PCDH15: variants seen among roughly 807,000 people sequenced by gnomAD.
PCDH15 encodes protocadherin-15.
PCDH15 carries 129 observed loss-of-function variants against 178.5 expected under a neutral mutation model. The observed-to-expected ratio is 0.72, with a 90% confidence interval of 0.63 to 0.84. PCDH15 has a LOEUF of 0.84. Ranked by LOEUF, PCDH15 falls within the 40% of genes least tolerant of loss-of-function variation. The pLI is 0.00. For missense variants in PCDH15, 2,230 were observed against 2,099.9 expected (o/e 1.06, Z -1.21); for synonymous variants, 800 against 732.0 (o/e 1.09, Z -1.50).
intron 2 of PCDH15, among the ~76,000 whole-genome samples, chr10:55,020,452 T>C (rs539545461): frequency 6.6e-6 from 1 of 150,990 alleles, no homozygotes; most frequent in South Asian, 2.1e-4. Context: ...TTTGAAAGCA[T>C]TGGTTAGATT....
chr10:54,476,862 C>T (rs1431172357), intron 3 of PCDH15, among the ~76,000 whole-genome samples: 6 of 152,124 alleles, frequency 3.9e-5, no homozygotes, highest in Non-Finnish European at 8.8e-5. Flanking sequence ...CTCTTCTCTC[C>T]TATCTTCAAT....
chr10:55,048,857 T>C (rs185776014), intron 2 of PCDH15, among the ~76,000 whole-genome samples: 24 of 152,112 alleles, frequency 1.6e-4, no homozygotes, highest in Admixed American at 4.6e-4. Context: ...ATGTGTAAGG[T>C]AAAAAGCAAG....
Position 54,413,172 on chromosome 10 carries a change from A to ATCTC in PCDH15, c.158-34234_158-34231dup, listed in dbSNP as rs36062781. On this transcript the variant is annotated intron_variant, in intron 3 of 37. Transcript: ENST00000644397. ...ATGAATGGTCTGTATACAATATAGC[A>ATCTC]TCTCTCTCTCTCTCAACGAATAGCA... 4.6e-5 allele frequency among the ~76,000 whole-genome samples: 7 copies of ATCTC among 151,222 alleles called. No homozygotes were observed. In the South Asian group the frequency reaches 1.0e-3, roughly 23 times the overall value.
intron 9 of PCDH15, among the ~76,000 whole-genome samples, chr10:54,227,777 T>C (rs2053614743): frequency 6.6e-6 from 1 of 152,200 alleles, no homozygotes; most frequent in African/African-American, 2.4e-5. Context: ...TACTTAGAAA[T>C]TTCTTCCACC....
At chr10:54,512,505 T>A (rs1174095759) in intron 3 of PCDH15, among the ~76,000 whole-genome samples, 1 of 152,024 alleles carries the variant, frequency 6.6e-6, no homozygotes, top group Non-Finnish European at 1.5e-5. Flanking sequence ...AATTTTTTAA[T>A]GAAGAAAGGG....
intron 1 of PCDH15, among the ~76,000 whole-genome samples, chr10:55,283,634 C>A (rs959273364): frequency 3.3e-5 from 5 of 150,974 alleles, no homozygotes; most frequent in African/African-American, 1.2e-4. Context: ...TCTATCCAGT[C>A]ACTATTAAGT....
intron 2 of PCDH15, among the ~76,000 whole-genome samples, chr10:55,004,695 A>G (rs895772372): frequency 2.0e-5 from 3 of 152,002 alleles, no homozygotes; most frequent in Admixed American, 6.6e-5. Flanking sequence ...TTGAGACTGA[A>G]CTCCTGTTTT....
At chr10:54,939,461 C>G (rs907149027) in intron 2 of PCDH15, among the ~76,000 whole-genome samples, 1 of 116,780 alleles carries the variant, frequency 8.6e-6, no homozygotes, top group Non-Finnish European at 1.7e-5. Flanking sequence ...CGCCACTGCA[C>G]TCCAGTCTGG....
At chr10:54,330,237 A>G (rs761409325) in intron 6 of PCDH15, among the ~76,000 whole-genome samples, 2 of 151,792 alleles carry the variant, frequency 1.3e-5, no homozygotes, top group African/African-American at 2.4e-5. Context: ...TTGTTAGGTG[A>G]TTTTTGTCAT....
chr10:53,824,989 G>A (rs1158089184), intron 32 of PCDH15: 1 of 1,001,460 alleles, frequency 1.0e-6, no homozygotes, highest in Non-Finnish European at 1.3e-6. Context: ...GAAATTGGGT[G>A]TGGAAGACAA....
intron 1 of PCDH15, among the ~76,000 whole-genome samples, chr10:54,703,331 C>T (rs2095331935): frequency 6.6e-6 from 1 of 151,958 alleles, no homozygotes; most frequent in Non-Finnish European, 1.5e-5. Context: ...GAAAAGAATG[C>T]CCACTCCTAC....
At chr10:54,040,561 T>C (rs976857977) in intron 18 of PCDH15, among the ~76,000 whole-genome samples, 1 of 152,024 alleles carries the variant, frequency 6.6e-6, no homozygotes, top group African/African-American at 2.4e-5. Context: ...TATATTCAGT[T>C]ACTAAATGTG....
chr10:54,681,749 G>T (rs1362296999), intron 1 of PCDH15, among the ~76,000 whole-genome samples: 1 of 152,142 alleles, frequency 6.6e-6, no homozygotes, highest in Non-Finnish European at 1.5e-5. Context: ...AGACAGTGGG[G>T]ACAATGAGTC....
At chr10:54,655,428 G>GT (rs2094381748) in intron 2 of PCDH15, 1 of 141,866 alleles carries the variant, frequency 7.0e-6, no homozygotes, top group African/African-American at 2.6e-5. Context: ...TGTGTGGTGG[G>GT]GTGTGTGTGT....
intron 18 of PCDH15, among the ~76,000 whole-genome samples, chr10:54,028,022 A>C (rs1194331683): frequency 1.3e-5 from 2 of 151,102 alleles, no homozygotes; most frequent in Non-Finnish European, 3.0e-5. Flanking sequence ...CAATGGGAGA[A>C]AATTTTTGCA....
At chr10:54,613,502 CAT>C (rs1279253908) in intron 2 of PCDH15, among the ~76,000 whole-genome samples, 3 of 135,416 alleles carry the variant, frequency 2.2e-5, no homozygotes, top group Non-Finnish European at 4.8e-5. Flanking sequence ...CTCACACACA[CAT>C]ACACACACAC....
chr10:55,234,318 C>G (rs1265461669), intron 1 of PCDH15, among the ~76,000 whole-genome samples: 1 of 151,870 alleles, frequency 6.6e-6, no homozygotes, highest in African/African-American at 2.4e-5. Flanking sequence ...TTTGTAAGAG[C>G]AGATCTTCAT....
At chr10:54,075,065 G>T (rs574466820) in intron 17 of PCDH15, among the ~76,000 whole-genome samples, 1 of 152,020 alleles carries the variant, frequency 6.6e-6, no homozygotes, top group African/African-American at 2.4e-5. Flanking sequence ...GAATCAGTTT[G>T]TTTATTTTTG....
chr10:54,332,719 C>A (rs938599018), intron 6 of PCDH15, among the ~76,000 whole-genome samples: 3 of 152,008 alleles, frequency 2.0e-5, no homozygotes, highest in African/African-American at 7.2e-5. Flanking sequence ...ATAACCTATC[C>A]TTAAATGTCT....
Sources: allele counts gnomAD v4.1 joint callset (sites outside exome capture counted in the v4.1 genomes callset), GRCh38; gene constraint gnomAD v4.1.1; transcripts MANE v1.5; gene names NCBI Gene and HGNC (gene_info 2026-07-23, HGNC 2026-07-21).